Variants in GAS2 observed in about 807,000 individuals in gnomAD.
GAS2 encodes growth arrest-specific protein 2.
GAS2 carries 20 observed loss-of-function variants against 37.5 expected under a neutral mutation model. That is an observed-to-expected ratio of 0.53 (90% CI 0.37 to 0.77). The LOEUF is 0.77. Among genes scored for constraint, GAS2 ranks in the 30% least tolerant of loss-of-function variants. The pLI, the probability that GAS2 is intolerant of heterozygous loss-of-function variation, is 0.00. For missense variants in GAS2, 336 were observed against 373.4 expected (o/e 0.90, Z 0.82); for synonymous variants, 144 against 132.2 (o/e 1.09, Z -0.61).
chr11:22,655,467 A>G (rs537345256), intron 1 of GAS2, among the ~76,000 whole-genome samples: 2 of 152,334 alleles, frequency 1.3e-5, no homozygotes, highest in East Asian at 3.9e-4. Flanking sequence ...GAAGCATTCC[A>G]AAAACATTAT....
At chr11:22,644,953 G>A (rs1023580177) in intron 1 of GAS2, among the ~76,000 whole-genome samples, 1 of 152,110 alleles carries the variant, frequency 6.6e-6, no homozygotes, top group African/African-American at 2.4e-5. Flanking sequence ...AGAATGAAAT[G>A]TGTCTTCACC....
At chr11:22,703,361 G>A (rs1385867657) in intron 3 of GAS2, among the ~76,000 whole-genome samples, 1 of 152,102 alleles carries the variant, frequency 6.6e-6, no homozygotes, top group African/African-American at 2.4e-5. Flanking sequence ...AAGCACTGTG[G>A]ATGTAGAATA....
At chr11:22,796,372 C>A (rs895231594) in intron 7 of GAS2, among the ~76,000 whole-genome samples, 7 of 152,052 alleles carry the variant, frequency 4.6e-5, no homozygotes, top group African/African-American at 7.2e-5. Flanking sequence ...GCTTTAGTTC[C>A]ACCTCTGTCA....
chr11:22,653,796 C>T (rs1051411003), intron 1 of GAS2, among the ~76,000 whole-genome samples: 8 of 152,174 alleles, frequency 5.3e-5, no homozygotes, highest in Admixed American at 3.3e-4. Context: ...AGAATGGACT[C>T]GTGACTGATT....
intron 7 of GAS2, among the ~76,000 whole-genome samples, chr11:22,769,472 A>ATGTACAGCAC (rs1316722321): frequency 2.0e-5 from 3 of 152,248 alleles, no homozygotes; most frequent in Non-Finnish European, 4.4e-5. Context: ...CTTTTCCCTC[A>ATGTACAGCAC]TGTACAGCAC....
At position 22,784,558 on chromosome 11, in the gene GAS2, C is replaced by T. The variant is rs138214727; in HGVS notation, c.724-27240C>T. On this transcript the variant is annotated intron_variant, in intron 7 of 7. Coordinates refer to ENST00000454584, the MANE Select transcript of GAS2 (RefSeq NM_001143830.3). Reference sequence around the variant, plus strand: ...CTTCCAGGTGATTATACGTTAAGAGCCTGGCATATAATAGTCATTGCTCAC... The same window carrying T: ...CTTCCAGGTGATTATACGTTAAGAGTCTGGCATATAATAGTCATTGCTCAC... Among the ~76,000 whole-genome samples the T allele has an allele frequency of 1.2e-3, 181 of 152,248 alleles. 1 individual carries two copies. Among genetic ancestry groups the T allele is most frequent in the African/African-American group, 4.1e-3 (171 of 41,554 alleles).
chr11:22,739,080 G>T (rs1328850492), intron 5 of GAS2, among the ~76,000 whole-genome samples: 1 of 152,104 alleles, frequency 6.6e-6, no homozygotes, highest in African/African-American at 2.4e-5. Flanking sequence ...CAAACTTGTG[G>T]CATCTGGCTG....
At chr11:22,725,984 T>G (rs1285252028) in intron 3 of GAS2, among the ~76,000 whole-genome samples, 3 of 152,088 alleles carry the variant, frequency 2.0e-5, no homozygotes, top group African/African-American at 7.2e-5. Flanking sequence ...GATAGAATGC[T>G]TAGATGAAAG....
At chr11:22,659,032 G>C (rs1848887074) in intron 1 of GAS2, among the ~76,000 whole-genome samples, 1 of 152,178 alleles carries the variant, frequency 6.6e-6, no homozygotes, top group South Asian at 2.1e-4. Flanking sequence ...GTTTTAAGGA[G>C]ATGCATATGG....
chr11:22,735,071 C>A (rs1852676168), intron 4 of GAS2, among the ~76,000 whole-genome samples: 1 of 151,494 alleles, frequency 6.6e-6, no homozygotes, highest in Non-Finnish European at 1.5e-5. Flanking sequence ...CATCACAACC[C>A]CTATCACCAC....
intron 7 of GAS2, among the ~76,000 whole-genome samples, chr11:22,760,940 C>G (rs1854360593): frequency 6.6e-6 from 1 of 152,262 alleles, no homozygotes; most frequent in Non-Finnish European, 1.5e-5. Context: ...GCTGAGCTTC[C>G]TATCTTCCGG....
chr11:22,701,922 G>A (rs1020588189), intron 3 of GAS2, among the ~76,000 whole-genome samples: 4 of 152,140 alleles, frequency 2.6e-5, no homozygotes, highest in Admixed American at 2.6e-4. Flanking sequence ...TTATGGGGCT[G>A]AAGTTAAAAT....
At chr11:22,767,328 C>T (rs1339261050) in intron 7 of GAS2, among the ~76,000 whole-genome samples, 1 of 152,006 alleles carries the variant, frequency 6.6e-6, no homozygotes, top group Non-Finnish European at 1.5e-5. Context: ...TTAAACTTCA[C>T]ACAGCAAAAT....
intron 1 of GAS2, among the ~76,000 whole-genome samples, chr11:22,642,447 A>G (rs1190158297): frequency 1.3e-5 from 2 of 150,026 alleles, no homozygotes; most frequent in Non-Finnish European, 2.9e-5. Flanking sequence ...TAGGAAAAAG[A>G]AAACAAAATT....
intron 3 of GAS2, among the ~76,000 whole-genome samples, chr11:22,712,295 A>G (rs975399554): frequency 1.3e-5 from 2 of 152,202 alleles, no homozygotes; most frequent in African/African-American, 4.8e-5. Context: ...CACAGAGTCC[A>G]CTTTACTCCC....
chr11:22,763,362 G>A (rs1854499098), intron 7 of GAS2, among the ~76,000 whole-genome samples: 1 of 152,108 alleles, frequency 6.6e-6, no homozygotes, highest in African/African-American at 2.4e-5. Flanking sequence ...CTAAGGAAAG[G>A]TCCATGATAG....
chr11:22,676,335 G>A (rs1487095172), intron 2 of GAS2, among the ~76,000 whole-genome samples: 1 of 152,046 alleles, frequency 6.6e-6, no homozygotes, highest in Non-Finnish European at 1.5e-5. Context: ...CTGTCTTTTT[G>A]GGGTTCACTA....
intron 1 of GAS2, among the ~76,000 whole-genome samples, chr11:22,657,929 C>T (rs999345262): frequency 1.3e-5 from 2 of 151,922 alleles, no homozygotes; most frequent in African/African-American, 4.8e-5. Context: ...TTTATAATTT[C>T]TACTTTTGTT....
At chr11:22,652,131 T>C (rs1442087610) in intron 1 of GAS2, among the ~76,000 whole-genome samples, 1 of 152,156 alleles carries the variant, frequency 6.6e-6, no homozygotes, top group Non-Finnish European at 1.5e-5. Context: ...TAGTTTTCCT[T>C]CTAAGAGACA....
Sources: allele counts gnomAD v4.1 joint callset (sites outside exome capture counted in the v4.1 genomes callset), GRCh38; gene constraint gnomAD v4.1.1; transcripts MANE v1.5; gene names NCBI Gene and HGNC (gene_info 2026-07-23, HGNC 2026-07-21).